XPO4: variants seen among roughly 807,000 people sequenced by gnomAD.
XPO4 encodes the protein exportin-4.
A neutral mutation model predicts 143.0 loss-of-function variants in XPO4; 39 were observed. That is an observed-to-expected ratio of 0.27 (90% CI 0.21 to 0.36). The LOEUF is 0.36. Ranked by LOEUF, XPO4 falls within the 10% of genes least tolerant of loss-of-function variation. The probability of loss-of-function intolerance (pLI) is 1.00; values close to 1 mark genes in which losing one functional copy is unlikely to be tolerated. For synonymous variants in XPO4, 439 were observed against 474.0 expected (o/e 0.93, Z 0.96); for missense variants, 907 against 1,348.0 (o/e 0.67, Z 5.12).
At chr13:20,851,241 A>G in intron 4 of XPO4, 3 of 985,438 alleles carry the variant, frequency 3.0e-6, no homozygotes, top group Non-Finnish European at 3.6e-6. Context: ...CTACTGGGCA[A>G]GGACAAATAG....
intron 6 of XPO4, among the ~76,000 whole-genome samples, chr13:20,828,349 T>G (rs906062360): frequency 3.3e-5 from 5 of 152,188 alleles, no homozygotes; most frequent in African/African-American, 1.2e-4. Context: ...ATGAGAAATC[T>G]TAATGATAAT....
Position 20,780,416 on chromosome 13 carries a change from C to T in XPO4, c.*3306G>A, listed in dbSNP as rs1002942636. ...CTTTAGGGGTTCATAGAAGTATTAA[C>T]AGAAATGGGAAACATGGTGATATTA... On this transcript the variant is annotated 3_prime_UTR_variant, in exon 23 of 23. Coordinates refer to ENST00000255305, the MANE Select transcript of XPO4 (RefSeq NM_022459.5). 1.3e-5 allele frequency: 2 copies of T among 151,980 alleles called. No homozygotes were observed. Among genetic ancestry groups the T allele is most frequent in the Non-Finnish European group, 2.9e-5 (2 of 68,010 alleles). The allele number at this position is 151,980 out of a possible 1,614,324, so 9.4% of individuals were successfully genotyped here. A position where few individuals can be genotyped will look rare whatever the true frequency, so the allele number is the denominator to read the frequency against.
rs774167816 is a variant in XPO4, at chr13:20,809,145, T to C, written c.1431A>G (p.Gln477=). The part of the protein sequence containing the change: ...QEDDRDQFSD[Q]LASVGMLGRI... ...TTCCTAGCATTCCTACACTGGCCAGTTGATCAGAAAACTGGTCTCGATCAT... is the reference window on the plus strand; with the variant it reads ...TTCCTAGCATTCCTACACTGGCCAGCTGATCAGAAAACTGGTCTCGATCAT... Residue 477 remains glutamine (Q), a synonymous_variant, in exon 11 of 23, where the codon CAA becomes CAG. Transcript: ENST00000255305. The C allele has an allele frequency of 1.9e-6, 3 of 1,614,170 alleles. No homozygotes were observed. Among genetic ancestry groups the C allele is most frequent in the East Asian group, 2.2e-5 (1 of 44,882 alleles).
intron 3 of XPO4, chr13:20,856,283 G>A (rs528273606): frequency 7.3e-6 from 7 of 965,146 alleles, no homozygotes; most frequent in East Asian, 1.1e-4. Context: ...CTAGCTATCC[G>A]AGATACATCA....
intron 7 of XPO4, among the ~76,000 whole-genome samples, chr13:20,825,159 T>A (rs2059769101): frequency 6.6e-6 from 1 of 152,100 alleles, no homozygotes; most frequent in South Asian, 2.1e-4. Flanking sequence ...AAAGTGGGTT[T>A]TTTTTCCAAG....
chr13:20,785,851 AG>A (rs1362934160), intron 22 of XPO4, among the ~76,000 whole-genome samples: 1 of 129,380 alleles, frequency 7.7e-6, no homozygotes, highest in Non-Finnish European at 1.6e-5. Flanking sequence ...AGAGGGTGGA[AG>A]GGAACGGGGG....
intron 10 of XPO4, 120 bp downstream of exon 10, chr13:20,809,671 C>T (rs1595079514): frequency 3.5e-6 from 4 of 1,156,242 alleles, no homozygotes; most frequent in Admixed American, 3.0e-5. Flanking sequence ...GCCACTTTTG[C>T]TCCCAGCAAA....
chr13:20,846,843 T>A (rs2060034077), intron 4 of XPO4, among the ~76,000 whole-genome samples: 1 of 152,024 alleles, frequency 6.6e-6, no homozygotes, highest in Non-Finnish European at 1.5e-5. Context: ...TTTATACCTA[T>A]GAAATAAAAA....
At chr13:20,868,778 G>T in intron 1 of XPO4, 77 bp from the exon 2 acceptor site, 1 of 1,394,884 alleles carries the variant, frequency 7.2e-7, no homozygotes, top group Non-Finnish European at 9.8e-7. Flanking sequence ...TTACCCACAA[G>T]AACAGAAAAT....
intron 8 of XPO4, 82 bp downstream of exon 8, chr13:20,822,050 A>G: frequency 6.7e-7 from 1 of 1,484,202 alleles, no homozygotes; most frequent in Non-Finnish European, 9.0e-7. Context: ...GGGGGAAAAA[A>G]TAACTAGTTT....
chr13:20,833,360 C>A (rs1192940354), intron 6 of XPO4, among the ~76,000 whole-genome samples: 1 of 152,080 alleles, frequency 6.6e-6, no homozygotes, highest in Non-Finnish European at 1.5e-5. Flanking sequence ...GTTCCAGGAC[C>A]TCCCATGGTT....
In XPO4 at chr13:20,778,284, T is replaced by C. The variant is rs913942186; in HGVS notation, c.*5438A>G. The C allele has an allele frequency of 5.9e-5, 9 of 152,332 alleles. No homozygotes were observed. The highest frequency in any genetic ancestry group is 2.2e-4 in the African/African-American group (9 of 41,570). 9.4% of individuals were successfully genotyped at this position (152,332 alleles called of 1,614,324 possible). The stretch of plus-strand genomic sequence containing the variant: ...TTGGTTTTCTTAAACAACTTTTCTT[T>C]ATCCACCTTTGGAGTGGAATAAATC... On this transcript the variant is annotated 3_prime_UTR_variant, in exon 23 of 23. Transcript: ENST00000255305.
At chr13:20,837,271 T>C (rs1703864053) in intron 6 of XPO4, among the ~76,000 whole-genome samples, 1 of 152,192 alleles carries the variant, frequency 6.6e-6, no homozygotes. Flanking sequence ...ACCCAATAGA[T>C]GGCAGTAGCA....
At chr13:20,800,654 T>C (rs1423661782) in intron 14 of XPO4, among the ~76,000 whole-genome samples, 177 bp downstream of exon 14, 1 of 152,228 alleles carries the variant, frequency 6.6e-6, no homozygotes, top group African/African-American at 2.4e-5. Flanking sequence ...TATCAAGGGA[T>C]GTGCTCAAAA....
intron 13 of XPO4, among the ~76,000 whole-genome samples, chr13:20,804,597 C>A (rs1394040575): frequency 6.6e-6 from 1 of 152,148 alleles, no homozygotes; most frequent in Admixed American, 6.5e-5. Context: ...CTAACTGTAT[C>A]CTCAGATGCT....
chr13:20,798,952 TAG>T (rs2059394947), intron 16 of XPO4, among the ~76,000 whole-genome samples: 1 of 147,930 alleles, frequency 6.8e-6, no homozygotes, highest in South Asian at 2.1e-4. Flanking sequence ...ACCTGGGAGG[TAG>T]AGGCTGCAAT....
chr13:20,815,774 A>G (rs2059642113), intron 9 of XPO4, among the ~76,000 whole-genome samples: 1 of 152,196 alleles, frequency 6.6e-6, no homozygotes, highest in African/African-American at 2.4e-5. Context: ...ATCCTTCAAA[A>G]AGTTCCTTTT....
At chr13:20,882,212 G>A (rs976686443) in intron 1 of XPO4, among the ~76,000 whole-genome samples, 2 of 151,938 alleles carry the variant, frequency 1.3e-5, no homozygotes, top group African/African-American at 4.8e-5. Context: ...CATGAAGCAT[G>A]ATAGTCCCTT....
intron 4 of XPO4, chr13:20,848,374 C>T: frequency 1.0e-6 from 1 of 985,392 alleles, no homozygotes; most frequent in Non-Finnish European, 1.2e-6. Context: ...CAAAGCCCTT[C>T]ATGTACCTTG....
Sources: gnomAD v4.1 joint callset for allele counts (sites outside exome capture counted in the v4.1 genomes callset) on GRCh38, gnomAD v4.1.1 for gene constraint, MANE v1.5 for transcripts, NCBI Gene and HGNC (gene_info 2026-07-23, HGNC 2026-07-21) for gene names.